KDM3B: variants seen among roughly 807,000 people sequenced by gnomAD.
The protein encoded by KDM3B is lysine demethylase 3B.
Under a neutral mutation model 170.0 loss-of-function variants are expected in KDM3B, and 10 were observed. The observed-to-expected ratio is 0.06, with a 90% CI of 0.04 to 0.10. KDM3B has a LOEUF of 0.10. Ranked by LOEUF, KDM3B falls within the 10% of genes least tolerant of loss-of-function variation. KDM3B has a pLI of 1.00. For synonymous variants in KDM3B, 831 were observed against 834.8 expected, an observed-to-expected ratio of 1.00 and a Z score of 0.08; for missense variants, 1,394 against 2,195.2, an observed-to-expected ratio of 0.64 and a Z score of 7.29.
chr5:138,412,906 G>T (rs1763010073), intron 11 of KDM3B, among the ~76,000 whole-genome samples: 1 of 152,212 alleles, frequency 6.6e-6, no homozygotes, highest in Admixed American at 6.5e-5. Context: ...GCCTCCCAAA[G>T]TGCTACAGGT....
intron 11 of KDM3B, among the ~76,000 whole-genome samples, chr5:138,402,045 A>C (rs1359931507): frequency 6.6e-6 from 1 of 151,672 alleles, no homozygotes; most frequent in Non-Finnish European, 1.5e-5. Flanking sequence ...TCTCCCACCT[A>C]AGCCTCCTGC....
chr5:138,396,561 G>A (rs1315822223), intron 9 of KDM3B, among the ~76,000 whole-genome samples: 1 of 152,138 alleles, frequency 6.6e-6, no homozygotes, highest in Non-Finnish European at 1.5e-5. Context: ...GAGATTTAGT[G>A]GAGAAATGCC....
intron 11 of KDM3B, among the ~76,000 whole-genome samples, chr5:138,405,972 T>C (rs1162100432): frequency 6.6e-6 from 1 of 152,164 alleles, no homozygotes; most frequent in Non-Finnish European, 1.5e-5. Context: ...ATATAGCTAG[T>C]AAGTCCAAAA....
rs1180881148 is a variant in KDM3B at position 138,427,971 on chromosome 5, G to A, written c.4638G>A (p.Leu1546=). ...ATATTTTCCTTTCTCCTTTAGGGTT[G>A]ATAACAGCAGAAGATAGAAGAGTTG... is the stretch of plus-strand genomic sequence containing the variant. ...LGPKMYNAYG[L]ITAEDRRVGT... The change falls in exon 20 of 24, where the codon TTG becomes TTA. Residue 1546 remains leucine, a synonymous_variant. Transcript: ENST00000314358. 2 of 1,612,978 alleles carry A rather than the reference G, an allele frequency of 1.2e-6. No homozygotes were observed. The highest frequency in any genetic ancestry group is 1.7e-5 in the Admixed American group (1 of 59,884).
intron 11 of KDM3B, among the ~76,000 whole-genome samples, chr5:138,405,201 G>A (rs1488118360): frequency 6.6e-6 from 1 of 151,836 alleles, no homozygotes; most frequent in Non-Finnish European, 1.5e-5. Context: ...CTGCCACCAC[G>A]CCTGGCTAAT....
Position 138,387,856 on chromosome 5 carries a change from C to T in KDM3B, c.1380+1235C>T, listed in dbSNP as rs190140046. 7.0e-4 allele frequency among the ~76,000 whole-genome samples: 107 copies of T among 152,200 alleles called. No homozygotes were observed. The East Asian group carries it at 7.5e-3, about 11-fold the overall frequency. ...CAGCACTTTGGGAGGCCAAGGCGGGCGGATCACAAGGTCAGGAGATCAAGA... is the reference window on the plus strand; with the variant it reads ...CAGCACTTTGGGAGGCCAAGGCGGGTGGATCACAAGGTCAGGAGATCAAGA... On this transcript the variant is annotated intron_variant, in intron 7 of 23. Coordinates refer to ENST00000314358, the MANE Select transcript of KDM3B (RefSeq NM_016604.4).
At position 138,435,976 on chromosome 5, in the gene KDM3B, C is replaced by T. The variant is rs181978328; in HGVS notation, c.*276C>T. On this transcript the variant is annotated 3_prime_UTR_variant, in exon 24 of 24. Coordinates refer to ENST00000314358, the MANE Select transcript of KDM3B (RefSeq NM_016604.4). ...GGAAATCCAAATTGCCTGAACATGG[C>T]GGGGCTTTCCTGCACATTCTCCTGA... The T allele has an allele frequency of 9.1e-5, 36 of 394,612 alleles. No individual in the cohort carries two copies. The highest frequency in any genetic ancestry group is 6.5e-4 in the East Asian group (14 of 21,536). 24.4% of individuals were successfully genotyped at this position (394,612 alleles called of 1,614,324 possible). A position where few individuals can be genotyped will look rare whatever the true frequency, so the allele number is the denominator to read the frequency against.
At chr5:138,385,040 A>T (rs1305717697) in intron 6 of KDM3B, among the ~76,000 whole-genome samples, 1 of 151,464 alleles carries the variant, frequency 6.6e-6, no homozygotes, top group African/African-American at 2.4e-5. Context: ...TTGTTTTTTG[A>T]TAAGGAGTTT....
rs781578741 is a variant in KDM3B, at chr5:138,386,736, C to T, written c.1380+115C>T. The T allele has an allele frequency of 7.3e-6, 10 of 1,364,754 alleles. No homozygotes were observed. In the East Asian group the frequency reaches 1.9e-4, roughly 25 times the overall value. The allele number at this position is 1,364,754 out of a possible 1,614,324, so 84.5% of individuals were successfully genotyped here. ...AGGGAAGGAGTATTTCTGAGATGTG[C>T]TTAAATTATACTCTGTGGAAGGCCT... On this transcript the variant is annotated intron_variant, in intron 7 of 23. Coordinates refer to ENST00000314358, the MANE Select transcript of KDM3B (RefSeq NM_016604.4).
At chr5:138,384,657 T>C (rs1423311362) in intron 6 of KDM3B, among the ~76,000 whole-genome samples, 1 of 150,860 alleles carries the variant, frequency 6.6e-6, no homozygotes, top group African/African-American at 2.4e-5. Flanking sequence ...GAGATTCGCT[T>C]GAGCCTAGGA....
At chr5:138,388,403 C>T (rs950414472) in intron 7 of KDM3B, among the ~76,000 whole-genome samples, 5 of 151,864 alleles carry the variant, frequency 3.3e-5, no homozygotes, top group Non-Finnish European at 4.4e-5. Context: ...GAGGCCGAGG[C>T]GGGCGGATCA....
intron 9 of KDM3B, among the ~76,000 whole-genome samples, chr5:138,396,035 G>A (rs1762536965): frequency 6.6e-6 from 1 of 152,162 alleles, no homozygotes; most frequent in African/African-American, 2.4e-5. Context: ...TGCTAGATTG[G>A]TAGGGGAATT....
Position 138,375,238 on chromosome 5 carries a change from T to G in KDM3B, c.474+32T>G, listed in dbSNP as rs772807937. 7 of 1,439,090 alleles carry G rather than the reference T, an allele frequency of 4.9e-6. No individual in the cohort carries two copies. The East Asian group carries it at 1.1e-4, about 23-fold the overall frequency. The allele number at this position is 1,439,090 out of a possible 1,614,324, so 89.1% of individuals were successfully genotyped here. On this transcript the variant is annotated intron_variant, in intron 3 of 23. Coordinates refer to ENST00000314358, the MANE Select transcript of KDM3B (RefSeq NM_016604.4). ...AACACTTGCTTTAGTCTTGAGCCTA[T>G]TATTTTTTTCGCTGCTAATTTCTTT...
chr5:138,425,716 A>T (rs763545377), intron 17 of KDM3B, 134 bp downstream of exon 17: 12 of 818,244 alleles, frequency 1.5e-5, no homozygotes, highest in East Asian at 2.7e-5. Context: ...ATAAAAAATT[A>T]AAAACAGACA....
At chr5:138,368,138 C>T (rs1761788223) in intron 1 of KDM3B, among the ~76,000 whole-genome samples, 1 of 152,170 alleles carries the variant, frequency 6.6e-6, no homozygotes, top group Non-Finnish European at 1.5e-5. Context: ...TAGTTTATAT[C>T]CCTTCTTTGT....
At chr5:138,428,940 C>CTTT (rs397884825) in intron 20 of KDM3B, among the ~76,000 whole-genome samples, 166 of 101,208 alleles carry the variant, frequency 1.6e-3, no homozygotes, top group Non-Finnish European at 2.0e-3. Flanking sequence ...GGGATAATTT[C>CTTT]TTTTTTTTTT....
At chr5:138,383,638 G>T (rs1457448219) in intron 6 of KDM3B, among the ~76,000 whole-genome samples, 1 of 152,204 alleles carries the variant, frequency 6.6e-6, no homozygotes, top group African/African-American at 2.4e-5. Context: ...TTCACTGATT[G>T]TGATCTGCAA....
In KDM3B at chr5:138,390,869, CA is replaced by C. The variant is rs1762409479; in HGVS notation, c.1381-142del. 18 of 712,224 alleles carry C rather than the reference CA, an allele frequency of 2.5e-5. 1 individual carries two copies. The South Asian group carries it at 4.1e-4, about 16-fold the overall frequency. 44.1% of individuals were successfully genotyped at this position (712,224 alleles called of 1,614,324 possible). A position where few individuals can be genotyped will look rare whatever the true frequency, so the allele number is the denominator to read the frequency against. ...CCCCACTGCTGGTGAACTCCAGTTA[CA>C]AGAGCAGATCCATGGAATTGTAAAA... On this transcript the variant is annotated intron_variant, in intron 7 of 23. Coordinates refer to ENST00000314358, the MANE Select transcript of KDM3B (RefSeq NM_016604.4).
intron 1 of KDM3B, among the ~76,000 whole-genome samples, chr5:138,363,940 TCTCA>T (rs1379341944): frequency 6.9e-6 from 1 of 144,424 alleles, no homozygotes; most frequent in Non-Finnish European, 1.5e-5. Flanking sequence ...CGAGATGGAG[TCTCA>T]CTCACTCTGT....
Sources: allele counts gnomAD v4.1 joint callset (sites outside exome capture counted in the v4.1 genomes callset), GRCh38; gene constraint gnomAD v4.1.1; transcripts MANE v1.5; gene names NCBI Gene and HGNC (gene_info 2026-07-23, HGNC 2026-07-21).